The following OPCML variants were observed in gnomAD, a reference collection of about 807,000 sequenced individuals.
The protein encoded by OPCML is opioid binding protein/cell adhesion molecule like, also known as opioid-binding protein/cell adhesion molecule.
A neutral mutation model predicts 37.8 loss-of-function variants in OPCML; 13 were observed. That is an observed-to-expected ratio of 0.34 (90% CI 0.22 to 0.55). The LOEUF is 0.55. Ranked by LOEUF, OPCML falls within the 20% of genes least tolerant of loss-of-function variation. The probability of loss-of-function intolerance (pLI) is 0.91; values close to 1 mark genes in which losing one functional copy is unlikely to be tolerated. For missense variants in OPCML, 341 were observed against 435.6 expected, an observed-to-expected ratio of 0.78 and a Z score of 1.93; for synonymous variants, 176 against 168.8, an observed-to-expected ratio of 1.04 and a Z score of -0.33.
At chr11:133,007,224 C>T in intron 1 of OPCML, 1 of 985,312 alleles carries the variant, frequency 1.0e-6, no homozygotes. Context: ...GCTTTGTTGC[C>T]CCACCCTCCG....
intron 1 of OPCML, among the ~76,000 whole-genome samples, chr11:132,994,873 C>T (rs1266633566): frequency 6.6e-6 from 1 of 152,216 alleles, no homozygotes. Flanking sequence ...AGACACTTTA[C>T]ATGCCTCCTT....
At position 132,956,310 on chromosome 11, in the gene OPCML, G is replaced by A. The variant is rs553346884; in HGVS notation, c.62-13300C>T. On this transcript the variant is annotated intron_variant, in intron 1 of 7. Coordinates refer to ENST00000524381, the MANE Select transcript of OPCML (RefSeq NM_001012393.5). ...CAATGAAGATCAGCTTCAGGTATTA[G>A]GATTCTAATCAATAAAACAGAGCCA... Among the ~76,000 whole-genome samples the A allele has an allele frequency of 6.6e-5, 10 of 152,256 alleles. No homozygotes were observed. In the East Asian group the frequency reaches 1.7e-3, roughly 26 times the overall value.
intron 1 of OPCML, among the ~76,000 whole-genome samples, chr11:133,384,748 C>A (rs750318255): frequency 1.3e-5 from 2 of 152,210 alleles, no homozygotes; most frequent in Non-Finnish European, 2.9e-5. Flanking sequence ...GAGGGGACTT[C>A]TCAGTCCACC....
At chr11:133,199,395 T>C (rs1473014932) in intron 1 of OPCML, among the ~76,000 whole-genome samples, 1 of 152,250 alleles carries the variant, frequency 6.6e-6, no homozygotes, top group African/African-American at 2.4e-5. Context: ...TTTTAAGAAA[T>C]TTTTTTCTTG....
At chr11:133,083,011 C>T (rs991617977) in intron 1 of OPCML, among the ~76,000 whole-genome samples, 1 of 151,360 alleles carries the variant, frequency 6.6e-6, no homozygotes, top group African/African-American at 2.4e-5. Flanking sequence ...CGCCGGAGCC[C>T]GCGGCGGACG....
intron 3 of OPCML, among the ~76,000 whole-genome samples, chr11:132,650,288 T>C (rs1019668664): frequency 6.6e-6 from 1 of 152,166 alleles, no homozygotes; most frequent in African/African-American, 2.4e-5. Context: ...GCGATTACTT[T>C]CACACCAACC....
intron 1 of OPCML, among the ~76,000 whole-genome samples, chr11:133,436,754 G>A (rs1436157836): frequency 1.3e-5 from 2 of 152,176 alleles, no homozygotes; most frequent in Non-Finnish European, 2.9e-5. Context: ...GTAAAGTGAG[G>A]ATAATAATAG....
chr11:132,723,428 T>C (rs1350021000), intron 2 of OPCML, among the ~76,000 whole-genome samples: 3 of 152,192 alleles, frequency 2.0e-5, no homozygotes, highest in African/African-American at 7.2e-5. Context: ...GGTCGGTTAA[T>C]CACTCCTTCT....
chr11:133,022,978 C>A (rs775582708), intron 1 of OPCML, among the ~76,000 whole-genome samples: 2 of 152,104 alleles, frequency 1.3e-5, no homozygotes, highest in African/African-American at 4.8e-5. Context: ...GAAAGGCAGG[C>A]GAATATTTGT....
chr11:133,317,883 A>T (rs925562132), intron 1 of OPCML, among the ~76,000 whole-genome samples: 28 of 152,236 alleles, frequency 1.8e-4, no homozygotes, highest in African/African-American at 6.5e-4. Flanking sequence ...AGACAGTTCT[A>T]CAAAGCTTTT....
At chr11:132,911,407 T>A (rs61906925) in intron 2 of OPCML, among the ~76,000 whole-genome samples, 2 of 152,098 alleles carry the variant, frequency 1.3e-5, no homozygotes, top group African/African-American at 4.8e-5. Context: ...GAAGTTGGAA[T>A]CTATTACCTC....
At chr11:133,523,111 CT>C (rs1310049457) in intron 1 of OPCML, among the ~76,000 whole-genome samples, 2 of 152,052 alleles carry the variant, frequency 1.3e-5, no homozygotes, top group African/African-American at 4.8e-5. Flanking sequence ...ACAACTAGGG[CT>C]TTTTGTAATA....
chr11:132,473,468 G>A (rs970185283), intron 4 of OPCML, among the ~76,000 whole-genome samples: 7 of 152,148 alleles, frequency 4.6e-5, no homozygotes, highest in African/African-American at 1.7e-4. Context: ...TTGGTGCAGG[G>A]CATGAAATAA....
chr11:132,753,974 A>C (rs569844911), intron 2 of OPCML, among the ~76,000 whole-genome samples: 4 of 152,302 alleles, frequency 2.6e-5, no homozygotes, highest in African/African-American at 9.6e-5. Context: ...GGTAAGTGGA[A>C]AGAAGACCTA....
chr11:132,523,006 G>C (rs1329565158), intron 4 of OPCML, among the ~76,000 whole-genome samples: 2 of 152,070 alleles, frequency 1.3e-5, no homozygotes, highest in Admixed American at 6.6e-5. Context: ...GCCTGATCTC[G>C]GCTCACTGCA....
chr11:133,424,234 T>C (rs897340711), intron 1 of OPCML, among the ~76,000 whole-genome samples: 11 of 152,204 alleles, frequency 7.2e-5, no homozygotes, highest in Non-Finnish European at 1.3e-4. Context: ...TGGGCTCTCC[T>C]GCCTCAATTG....
At chr11:133,525,592 C>A (rs1287757307) in intron 1 of OPCML, among the ~76,000 whole-genome samples, 2 of 152,192 alleles carry the variant, frequency 1.3e-5, no homozygotes, top group South Asian at 2.1e-4. Context: ...TAGTGAGGAA[C>A]AAATGAGACC....
intron 2 of OPCML, among the ~76,000 whole-genome samples, chr11:132,885,169 T>C (rs1943363938): frequency 6.6e-6 from 1 of 152,240 alleles, no homozygotes; most frequent in Non-Finnish European, 1.5e-5. Context: ...TCTTCTTAAA[T>C]GGACTGTGTC....
chr11:132,631,336 AAAAT>A (rs1940094235), intron 3 of OPCML, among the ~76,000 whole-genome samples: 1 of 121,170 alleles, frequency 8.3e-6, no homozygotes, highest in African/African-American at 3.1e-5. Context: ...TTAAAAGAAA[AAAAT>A]AACCATATAT....
Sources: gnomAD v4.1 joint callset for allele counts (sites outside exome capture counted in the v4.1 genomes callset) on GRCh38, gnomAD v4.1.1 for gene constraint, MANE v1.5 for transcripts, NCBI Gene and HGNC (gene_info 2026-07-23, HGNC 2026-07-21) for gene names.